The following TMEM67 variants were observed in gnomAD, a reference collection of about 807,000 sequenced individuals.
TMEM67 encodes the protein meckelin.
In TMEM67, 124 loss-of-function variants were observed where a neutral mutation model predicts 136.6. The observed-to-expected ratio is 0.91, with a 90% CI of 0.78 to 1.05. TMEM67 has a LOEUF of 1.05. Among genes scored for constraint, TMEM67 ranks in the 50% least tolerant of loss-of-function variants. The probability of loss-of-function intolerance (pLI) is 0.00; values close to 1 mark genes in which losing one functional copy is unlikely to be tolerated. For synonymous variants in TMEM67, 364 were observed against 390.5 expected (o/e 0.93, Z 0.80); for missense variants, 1,107 against 1,178.4 (o/e 0.94, Z 0.89).
At chr8:93,792,702 T>C (rs1238666078) in intron 15 of TMEM67, among the ~76,000 whole-genome samples, 1 of 151,872 alleles carries the variant, frequency 6.6e-6, no homozygotes, top group African/African-American at 2.4e-5. Context: ...TATATTATTA[T>C]TTGTTTTCTT....
Position 93,782,470 on chromosome 8 carries a change from A to G in TMEM67, c.1131+10A>G. ...AACCTACCAACAAAATGTAAGTTTG[A>G]ACGATATTAGTCTATATTTTAGCTT... On this transcript the variant is annotated intron_variant, in intron 11 of 27. Coordinates refer to ENST00000453321, the MANE Select transcript of TMEM67 (RefSeq NM_153704.6). 3 of 1,601,472 alleles carry G rather than the reference A, an allele frequency of 1.9e-6. No individual in the cohort carries two copies. The highest frequency in any genetic ancestry group is 1.7e-6 in the Non-Finnish European group (2 of 1,169,710).
At chr8:93,771,190 T>C (rs954393571) in intron 6 of TMEM67, among the ~76,000 whole-genome samples, 2 of 152,026 alleles carry the variant, frequency 1.3e-5, no homozygotes, top group Non-Finnish European at 2.9e-5. Flanking sequence ...AATTCTATTA[T>C]TCCCTCTAGA....
intron 7 of TMEM67, among the ~76,000 whole-genome samples, chr8:93,776,394 T>C (rs945887374): frequency 2.6e-5 from 4 of 152,190 alleles, no homozygotes; most frequent in African/African-American, 9.7e-5. Flanking sequence ...CTATGTTGAA[T>C]AGGAGTGGTG....
intron 4 of TMEM67, among the ~76,000 whole-genome samples, chr8:93,764,526 C>T (rs2130580397): frequency 6.6e-6 from 1 of 151,110 alleles, no homozygotes; most frequent in East Asian, 1.9e-4. Context: ...ACACACACAC[C>T]CCTGCCTGCC....
intron 26 of TMEM67, among the ~76,000 whole-genome samples, chr8:93,810,827 A>C (rs1424646952): frequency 1.3e-5 from 2 of 152,210 alleles, no homozygotes; most frequent in African/African-American, 4.8e-5. Context: ...CACTTAAAAG[A>C]ATAACATTTG....
chr8:93,811,712 G>A (rs1808707379), intron 26 of TMEM67, among the ~76,000 whole-genome samples: 1 of 151,816 alleles, frequency 6.6e-6, no homozygotes, highest in South Asian at 2.1e-4. Context: ...TATCTATTAC[G>A]GGTTGCATGC....
At chr8:93,763,780 A>T in intron 3 of TMEM67, 62 bp from the exon 4 acceptor site, 1 of 1,098,022 alleles carries the variant, frequency 9.1e-7, no homozygotes, top group Non-Finnish European at 1.4e-6. Context: ...TATTTTCTGA[A>T]TATGTAGAAG....
chr8:93,776,198 G>A (rs1311183858), intron 7 of TMEM67, among the ~76,000 whole-genome samples: 6 of 152,294 alleles, frequency 3.9e-5, no homozygotes, highest in Non-Finnish European at 8.8e-5. Context: ...TTTGCACATT[G>A]ATTTTGTATC....
At chr8:93,824,410 C>T in the TMEM67 span, among the ~76,000 whole-genome samples, 65 of 152,256 alleles carry the variant, frequency 4.3e-4, 1 homozygote, top group Middle Eastern at 6.8e-3. Flanking sequence ...CTTTAACTCC[C>T]GGAGGGTAAA....
In TMEM67 at chr8:93,780,592, G is replaced by T; in HGVS notation, c.715-1G>T. The T allele has an allele frequency of 6.2e-7, 1 of 1,614,056 alleles. No individual in the cohort carries two copies. The highest frequency in any genetic ancestry group is 1.1e-5 in the South Asian group (1 of 91,062). On this transcript the variant is annotated splice_acceptor_variant, in intron 7 of 27. Coordinates refer to ENST00000453321, the MANE Select transcript of TMEM67 (RefSeq NM_153704.6). LOFTEE classifies it high-confidence loss of function. ...TTTTCTTTGCCATTGTTCTGTTGTA[G>T]GTATATGCCAATCTAACATCTTGTC...
In TMEM67 at chr8:93,816,369, C is replaced by A; in HGVS notation, c.2908-3C>A. 6.9e-7 allele frequency: 1 copy of A among 1,450,390 alleles called. No individual in the cohort carries two copies. Among genetic ancestry groups the A allele is most frequent in the Non-Finnish European group, 9.5e-7 (1 of 1,048,846 alleles). The allele number at this position is 1,450,390 out of a possible 1,614,324, so 89.8% of individuals were successfully genotyped here. ...TTCATTCTGAATTGTTTTAATTTTC[C>A]AGATTTTTAGATATATCCGTAATAC... On this transcript the variant is annotated splice_polypyrimidine_tract_variant and splice_region_variant and intron_variant, in intron 27 of 27. Transcript: ENST00000453321.
chr8:93,788,498 G>A (rs1814222314), intron 14 of TMEM67, among the ~76,000 whole-genome samples: 1 of 152,120 alleles, frequency 6.6e-6, no homozygotes, highest in Non-Finnish European at 1.5e-5. Context: ...GGGAGGCGAA[G>A]GTGTAGTGAG....
chr8:93,797,589 T>C, intron 20 of TMEM67, 119 bp downstream of exon 20: 1 of 989,254 alleles, frequency 1.0e-6, no homozygotes, highest in South Asian at 1.5e-5. Flanking sequence ...TGAAATATTG[T>C]TGTGAAGCCA....
At position 93,797,859 on chromosome 8, in the gene TMEM67, A is replaced by G. The variant is rs531479815; in HGVS notation, c.2100+389A>G. Among the ~76,000 whole-genome samples, 6 of 152,248 alleles carry G rather than the reference A, an allele frequency of 3.9e-5. No individual in the cohort carries two copies. The South Asian group carries it at 1.0e-3, about 26-fold the overall frequency. On this transcript the variant is annotated intron_variant, in intron 20 of 27. Coordinates refer to ENST00000453321, the MANE Select transcript of TMEM67 (RefSeq NM_153704.6). ...TAGCTGGGCATGGCGGCACATGCCT[A>G]TAATCCCAGCTGCTCGGGAGGCTGA...
chr8:93,779,240 T>C (rs1813698259), intron 7 of TMEM67, among the ~76,000 whole-genome samples: 1 of 152,216 alleles, frequency 6.6e-6, no homozygotes, highest in Non-Finnish European at 1.5e-5. Context: ...CTGTTTATTC[T>C]AGTTAGCCAT....
In TMEM67 at chr8:93,763,804, T is replaced by G. The variant is rs764660129; in HGVS notation, c.407-38T>G. 7 of 1,355,972 alleles carry G rather than the reference T, an allele frequency of 5.2e-6. No individual in the cohort carries two copies. The Admixed American group carries it at 1.0e-4, about 20-fold the overall frequency. 84.0% of individuals were successfully genotyped at this position (1,355,972 alleles called of 1,614,324 possible). ...AATATGTAGAAGCTTATATGTTTAC[T>G]ATGAGTTACATCTTTATTTTGTTTC... is the stretch of plus-strand genomic sequence containing the variant. On this transcript the variant is annotated intron_variant, in intron 3 of 27. Transcript: ENST00000453321.
chr8:93,818,305 C>G (rs938914790), downstream of TMEM67, among the ~76,000 whole-genome samples: 20 of 152,162 alleles, frequency 1.3e-4, no homozygotes, highest in South Asian at 4.1e-4. Context: ...CATAATGAAA[C>G]AAAACCTAGA....
rs552116341 is a variant in TMEM67, at chr8:93,755,364, C to T, written c.223+227C>T. ...TAGTGACGTAGAAATGTAAAATTTC[C>T]AGCAGCAGTTAAGTAGTTTAATAGT... On this transcript the variant is annotated intron_variant, in intron 1 of 27. Transcript: ENST00000453321. Among the ~76,000 whole-genome samples the T allele has an allele frequency of 3.9e-5, 6 of 152,308 alleles. No homozygotes were observed. In the East Asian group the frequency reaches 1.2e-3, roughly 29 times the overall value.
chr8:93,785,401 T>C, intron 12 of TMEM67, 23 bp downstream of exon 12: 1 of 1,606,254 alleles, frequency 6.2e-7, no homozygotes. Context: ...TACATACCAC[T>C]CTTTTCCCTG....
Sources: gnomAD v4.1 joint callset for allele counts (sites outside exome capture counted in the v4.1 genomes callset) on GRCh38, gnomAD v4.1.1 for gene constraint, MANE v1.5 for transcripts, NCBI Gene and HGNC (gene_info 2026-07-23, HGNC 2026-07-21) for gene names.